Variants in SPATA7 observed in about 807,000 individuals in gnomAD.
The protein encoded by SPATA7 is spermatogenesis associated 7.
SPATA7 carries 43 observed loss-of-function variants against 51.8 expected under a neutral mutation model. The ratio of observed to expected loss-of-function variants is 0.83; its 90% confidence interval spans 0.65 to 1.07. SPATA7 has a LOEUF of 1.07. Ranked by LOEUF, SPATA7 falls within the 50% of genes least tolerant of loss-of-function variation. SPATA7 has a pLI of 0.00. For missense variants in SPATA7, 683 were observed against 701.3 expected (o/e 0.97, Z 0.30); for synonymous variants, 230 against 252.8 (o/e 0.91, Z 0.86).
At chr14:88,450,565 T>G (rs932888443) in intron 3 of SPATA7, among the ~76,000 whole-genome samples, 5 of 152,302 alleles carry the variant, frequency 3.3e-5, no homozygotes, top group African/African-American at 9.6e-5. Context: ...AGCTTAATTT[T>G]GTTGGATACA....
chr14:88,469,431 A>G lies in SPATA7; in HGVS notation c.255-416A>G. ...AACATAAAGGAAATATTTCGGAAACATAAATGTTCCTCTCTGTTTAACACC... is the reference window on the plus strand; with the variant it reads ...AACATAAAGGAAATATTTCGGAAACGTAAATGTTCCTCTCTGTTTAACACC... On this transcript the variant is annotated intron_variant, in intron 4 of 4. Transcript: ENST00000556406. The surrounding 1 kb of genome is among the most constrained non-coding windows in gnomAD (Gnocchi z 4.3). 7.5e-7 allele frequency: 1 copy of G among 1,332,342 alleles called. No homozygotes were observed. Among genetic ancestry groups the G allele is most frequent in the Admixed American group, 1.7e-5 (1 of 57,184 alleles). 82.5% of individuals were successfully genotyped at this position (1,332,342 alleles called of 1,614,324 possible).
chr14:88,469,833 CT>C lies in SPATA7; in HGVS notation c.255-9del. 1.2e-6 allele frequency: 2 copies of C among 1,605,538 alleles called. No individual in the cohort carries two copies. The highest frequency in any genetic ancestry group is 1.3e-5 in the African/African-American group (1 of 74,906). Reference sequence around the variant, plus strand: ...AAACAGAACCACAACCCTACCCTGCCTTTTTCTCCACAGGTCAGGATTCCAG... The same window carrying C: ...AAACAGAACCACAACCCTACCCTGCCTTTTCTCCACAGGTCAGGATTCCAG... On this transcript the variant is annotated splice_polypyrimidine_tract_variant and intron_variant, in intron 4 of 4. Coordinates refer to the SPATA7 transcript ENST00000556406. This position sits in a 1 kb window ranked among gnomAD's most constrained non-coding sequence, Gnocchi z 4.3.
intron 4 of SPATA7, among the ~76,000 whole-genome samples, chr14:88,404,647 G>C (rs933533579): frequency 1.3e-5 from 2 of 152,136 alleles, no homozygotes; most frequent in Non-Finnish European, 1.5e-5. Context: ...AACCCGGGAG[G>C]GGGAGGTTGC....
At chr14:88,463,855 TG>T (rs1456385557) in intron 4 of SPATA7, among the ~76,000 whole-genome samples, 4 of 121,474 alleles carry the variant, frequency 3.3e-5, no homozygotes, top group Non-Finnish European at 5.1e-5. Flanking sequence ...GTTTTTGTTT[TG>T]TTTTTTTTTG....
At position 88,421,423 on chromosome 14, in the gene SPATA7, A is replaced by G. The variant is rs563532006; in HGVS notation, c.372+4579A>G. On this transcript the variant is annotated intron_variant, in intron 5 of 11. Coordinates refer to ENST00000393545, the MANE Select transcript of SPATA7 (RefSeq NM_018418.5). ...AAAAGCCAGATTGACTGCTCTGCTTACCAAATACCAAGGCTGTAATAATGA... is the reference window on the plus strand; with the variant it reads ...AAAAGCCAGATTGACTGCTCTGCTTGCCAAATACCAAGGCTGTAATAATGA... Among the ~76,000 whole-genome samples, 4 of 152,322 alleles carry G rather than the reference A, an allele frequency of 2.6e-5. No homozygotes were observed. The South Asian group carries it at 8.3e-4, about 32-fold the overall frequency.
chr14:88,465,416 G>T (rs765317651), intron 4 of SPATA7, among the ~76,000 whole-genome samples: 1 of 152,130 alleles, frequency 6.6e-6, no homozygotes, highest in Non-Finnish European at 1.5e-5. Flanking sequence ...GCAGTGAGCC[G>T]AGATCATGCC....
chr14:88,431,434 C>T (rs1390438327), intron 9 of SPATA7, among the ~76,000 whole-genome samples: 1 of 152,104 alleles, frequency 6.6e-6, no homozygotes, highest in Non-Finnish European at 1.5e-5. Context: ...TCCATCATCT[C>T]GAACATTTTA....
At chr14:88,409,318 CAG>C (rs2076278235) in intron 4 of SPATA7, among the ~76,000 whole-genome samples, 3 of 151,994 alleles carry the variant, frequency 2.0e-5, no homozygotes, top group African/African-American at 7.2e-5. Flanking sequence ...TGTTTAGTCT[CAG>C]GAGGATGTAT....
At chr14:88,455,250 G>A (rs1294641236) in exon 4 of SPATA7, 1 of 355,458 alleles carries the variant, frequency 2.8e-6, no homozygotes, top group African/African-American at 2.1e-5. Flanking sequence ...TAATGAAGCT[G>A]GCTAGTTTGG....
intron 4 of SPATA7, among the ~76,000 whole-genome samples, chr14:88,408,991 G>A (rs1028977328): frequency 6.6e-6 from 1 of 152,160 alleles, no homozygotes; most frequent in Admixed American, 6.5e-5. Flanking sequence ...TTTTTGATGT[G>A]CTGCTGGATT....
chr14:88,451,835 T>C (rs1223227021), intron 3 of SPATA7, among the ~76,000 whole-genome samples: 1 of 152,194 alleles, frequency 6.6e-6, no homozygotes, highest in Non-Finnish European at 1.5e-5. Context: ...CTATATCATT[T>C]TTTTTATTTC....
Position 88,426,673 on chromosome 14 carries a change from CG to C in SPATA7, c.816del (p.Ile273Ter). ...AAGAAAAAAGGATTTTACAGATCAA[CG>C]GATAGAAGCTGAAACCCAGACTGAA... ...AKRKKDFTDQ[R>X]IEAETQTELS... On this transcript the variant is annotated frameshift_variant, in exon 6 of 12. Coordinates refer to ENST00000393545, the MANE Select transcript of SPATA7 (RefSeq NM_018418.5). LOFTEE classifies it high-confidence loss of function. The C allele has an allele frequency of 6.2e-7, 1 of 1,613,290 alleles. No homozygotes were observed. Among genetic ancestry groups the C allele is most frequent in the South Asian group, 1.1e-5 (1 of 91,066 alleles).
chr14:88,399,113 A>G (rs1245731245), intron 4 of SPATA7, among the ~76,000 whole-genome samples: 1 of 152,230 alleles, frequency 6.6e-6, no homozygotes, highest in Non-Finnish European at 1.5e-5. Context: ...GCTAAATGAT[A>G]AATGAATAAA....
chr14:88,461,731 G>A (rs1409917349), intron 4 of SPATA7, among the ~76,000 whole-genome samples: 6 of 151,110 alleles, frequency 4.0e-5, no homozygotes, highest in South Asian at 4.2e-4. Flanking sequence ...CCCACTGTCC[G>A]ACAAGCCCCG....
chr14:88,434,599 C>T (rs996315303), intron 10 of SPATA7, among the ~76,000 whole-genome samples: 5 of 151,154 alleles, frequency 3.3e-5, no homozygotes, highest in Admixed American at 6.6e-5. Context: ...GCAGGAGAAT[C>T]GCTTGAACCC....
rs1293907167 is a variant in SPATA7, at chr14:88,426,677, T to C, written c.818T>C (p.Ile273Thr). ...AAAAAGGATTTTACAGATCAACGGATAGAAGCTGAAACCCAGACTGAATTA... is the reference window on the plus strand; with the variant it reads ...AAAAAGGATTTTACAGATCAACGGACAGAAGCTGAAACCCAGACTGAATTA... Reference protein sequence around the residue: ...KRKKDFTDQRIEAETQTELSF... With the variant: ...KRKKDFTDQRTEAETQTELSF... Residue 273 changes from isoleucine (I) to threonine (T), a missense_variant, in exon 6 of 12, where the codon ATA (isoleucine) becomes ACA (threonine). By Grantham distance (89) the Ile-to-Thr change is moderately conservative. Transcript: ENST00000393545. 1.2e-5 allele frequency: 19 copies of C among 1,613,226 alleles called. No individual in the cohort carries two copies. The highest frequency in any genetic ancestry group is 2.2e-5 in the East Asian group (1 of 44,866).
chr14:88,409,238 G>T (rs1417949833), intron 4 of SPATA7, among the ~76,000 whole-genome samples: 2 of 151,994 alleles, frequency 1.3e-5, no homozygotes, highest in Non-Finnish European at 2.9e-5. Context: ...GGCTTTTTTG[G>T]GTTGGTAGGC....
chr14:88,426,257 A>C lies in SPATA7; in HGVS notation c.398A>C (p.Asp133Ala), dbSNP rs1277563640. The change falls in exon 6 of 12, where the codon GAT becomes GCT. Residue 133 changes from aspartate (D) to alanine (A), a missense_variant. Transcript: ENST00000393545. The stretch of plus-strand genomic sequence containing the variant: ...CCCTCAGGCGAACCGCAAATTGAGG[A>C]TGACATGTTAAAAGAAGAAATGAAT... Reference protein sequence around the residue: ...QKPSGEPQIEDDMLKEEMNGF... With the variant: ...QKPSGEPQIEADMLKEEMNGF... The C allele has an allele frequency of 3.7e-6, 6 of 1,613,996 alleles. No individual in the cohort carries two copies. Among genetic ancestry groups the C allele is most frequent in the Non-Finnish European group, 5.1e-6 (6 of 1,179,974 alleles).
chr14:88,388,844 T>C (rs1259100284), intron 1 of SPATA7, among the ~76,000 whole-genome samples: 1 of 152,188 alleles, frequency 6.6e-6, no homozygotes, highest in East Asian at 1.9e-4. Flanking sequence ...TCCCAAAGAC[T>C]GGGGTTCAGA....
Sources: gnomAD v4.1 joint callset for allele counts (sites outside exome capture counted in the v4.1 genomes callset) on GRCh38, gnomAD v4.1.1 for gene constraint, Gnocchi (gnomAD v3.1) non-coding constraint, MANE v1.5 for transcripts, NCBI Gene and HGNC (gene_info 2026-07-23, HGNC 2026-07-21) for gene names.